The following DENND4A variants were observed in gnomAD, a reference collection of about 807,000 sequenced individuals.
DENND4A encodes C-myc promoter-binding protein.
DENND4A carries 70 observed loss-of-function variants against 199.3 expected under a neutral mutation model. The ratio of observed to expected loss-of-function variants is 0.35; its 90% confidence interval spans 0.29 to 0.43. DENND4A has a LOEUF of 0.43. DENND4A is among the 20% of genes least tolerant of loss of function. The pLI is 1.00. For synonymous variants in DENND4A, 686 were observed against 766.9 expected (o/e 0.89, Z 1.74); for missense variants, 1,723 against 2,255.8 (o/e 0.76, Z 4.78).
At chr15:65,678,032 A>C (rs1397210091) in intron 23 of DENND4A, among the ~76,000 whole-genome samples, 3 of 145,096 alleles carry the variant, frequency 2.1e-5, no homozygotes, top group African/African-American at 7.8e-5. Flanking sequence ...GGTTCAAGTG[A>C]TTCTCATGCC....
chr15:65,746,109 C>T (rs183683655), intron 4 of DENND4A, among the ~76,000 whole-genome samples: 89 of 151,328 alleles, frequency 5.9e-4, no homozygotes, highest in Non-Finnish European at 1.0e-3. Flanking sequence ...CCATCGCACT[C>T]CAGCCTGGGC....
Position 65,691,323 on chromosome 15 carries a change from T to A in DENND4A, c.3271A>T (p.Ile1091Phe). The change falls in exon 23 of 33, where the codon ATT (isoleucine) becomes TTT (phenylalanine). Residue 1091 changes from isoleucine to phenylalanine, a missense_variant. Around this residue, in one of 6 missense-constraint regions of DENND4A, gnomAD observed 650 missense variants for 738.1 expected, o/e 0.88. Coordinates refer to ENST00000443035, the MANE Select transcript of DENND4A (RefSeq NM_001320835.1). ...TCTCCAGGGGTTGCTTCCTGGTTAA[T>A]TCTATTGAGCATAAATCCCATCAGT... ...GVLMGFMLNRINQEATPGDIV... is the reference protein window; with the variant it reads ...GVLMGFMLNRFNQEATPGDIV... The A allele has an allele frequency of 3.7e-6, 6 of 1,613,574 alleles. No homozygotes were observed. The highest frequency in any genetic ancestry group is 4.2e-6 in the Non-Finnish European group (5 of 1,179,750).
At chr15:65,781,956 T>C (rs1194543952) in intron 1 of DENND4A, among the ~76,000 whole-genome samples, 1 of 152,208 alleles carries the variant, frequency 6.6e-6, no homozygotes, top group African/African-American at 2.4e-5. Context: ...TTATTGTCAC[T>C]GGTTACTTTA....
chr15:65,773,823 T>C (rs996600665), intron 1 of DENND4A, among the ~76,000 whole-genome samples: 2 of 152,230 alleles, frequency 1.3e-5, no homozygotes, highest in African/African-American at 4.8e-5. Flanking sequence ...TCTCAGTCAC[T>C]TCACAGAACA....
In DENND4A at chr15:65,756,462, G is replaced by C. The variant is rs1012828605; in HGVS notation, c.-12C>G. The C allele has an allele frequency of 1.7e-5, 27 of 1,589,450 alleles. No homozygotes were observed. The highest frequency in any genetic ancestry group is 1.7e-4 in the Middle Eastern group (1 of 5,728). On this transcript the variant is annotated 5_prime_UTR_variant, in exon 3 of 33. Coordinates refer to ENST00000443035, the MANE Select transcript of DENND4A (RefSeq NM_001320835.1). The stretch of plus-strand genomic sequence containing the variant: ...TTGTCTTCAATCATCTTCCATTACA[G>C]AAGGTTACATCTAAAAGGAAAGTAA...
Position 65,701,840 on chromosome 15 carries a change from C to T in DENND4A, c.2481G>A (p.Val827=), listed in dbSNP as rs1471575190. 1.2e-6 allele frequency: 2 copies of T among 1,613,880 alleles called. No homozygotes were observed. The highest frequency in any genetic ancestry group is 2.2e-5 in the East Asian group (1 of 44,872). ...MQLCGQYDQP[V]LAVRVLFEMQ... ...TTTCAAAAAGCACTCGAACTGCAAGCACTGGCTGATCATATTGTCCACAGA... is the reference window on the plus strand; with the variant it reads ...TTTCAAAAAGCACTCGAACTGCAAGTACTGGCTGATCATATTGTCCACAGA... The change falls in exon 18 of 33, where the codon GTG becomes GTA. Residue 827 remains valine (V), a synonymous_variant. Coordinates refer to ENST00000443035, the MANE Select transcript of DENND4A (RefSeq NM_001320835.1).
intron 8 of DENND4A, among the ~76,000 whole-genome samples, chr15:65,732,532 ACTT>A (rs1421577871): frequency 6.6e-6 from 1 of 152,076 alleles, no homozygotes; most frequent in African/African-American, 2.4e-5. Flanking sequence ...ACTTCAACCT[ACTT>A]CTTTAATTCT....
At chr15:65,664,919 G>A in intron 30 of DENND4A, 197 bp from the exon 31 acceptor site, 1 of 543,634 alleles carries the variant, frequency 1.8e-6, no homozygotes, top group Non-Finnish European at 3.2e-6. Flanking sequence ...AAAGCTTTCT[G>A]TGGTCTTAAA....
Position 65,715,560 on chromosome 15 carries a change from A to G in DENND4A, c.1871T>C (p.Met624Thr). The G allele has an allele frequency of 6.2e-7, 1 of 1,606,496 alleles. No individual in the cohort carries two copies. Among genetic ancestry groups the G allele is most frequent in the Non-Finnish European group, 8.5e-7 (1 of 1,176,884 alleles). Residue 624 changes from methionine to threonine, a missense_variant, in exon 14 of 33, where the codon ATG (methionine) becomes ACG (threonine). Transcript: ENST00000443035. ...KFYNMMTKTQ[M>T]FIRFIEECSF... ...ACATTCTTCAATGAAGCGAATAAAC[A>G]TTTGTGTTTTGGTCATCATGTTATA...
intron 23 of DENND4A, among the ~76,000 whole-genome samples, chr15:65,682,683 T>G (rs1392698514): frequency 6.6e-6 from 1 of 152,228 alleles, no homozygotes; most frequent in Non-Finnish European, 1.5e-5. Flanking sequence ...TCGGCCTTTC[T>G]TGGCTTTTGA....
At chr15:65,697,721 G>T (rs2077195707) in intron 20 of DENND4A, among the ~76,000 whole-genome samples, 1 of 152,150 alleles carries the variant, frequency 6.6e-6, no homozygotes, top group East Asian at 1.9e-4. Context: ...CTTTCTAGTT[G>T]AAAGTTTGAG....
rs116726162 is a variant in DENND4A, at chr15:65,763,121, A to C, written c.-101-1683T>G. Among the ~76,000 whole-genome samples the C allele has an allele frequency of 7.1e-3, 1,078 of 152,316 alleles. 16 individuals are homozygous for C. The highest frequency in any genetic ancestry group is 0.025 in the African/African-American group (1,038 of 41,556). ...GAGCCAGACCAACTGTATTGTACCA[A>C]GCACTATAGGTTAGCTTTAACACTG... On this transcript the variant is annotated intron_variant, in intron 1 of 32. Coordinates refer to ENST00000443035, the MANE Select transcript of DENND4A (RefSeq NM_001320835.1).
intron 23 of DENND4A, among the ~76,000 whole-genome samples, chr15:65,679,078 C>T (rs954389771): frequency 1.3e-5 from 2 of 151,754 alleles, no homozygotes; most frequent in Admixed American, 6.6e-5. Context: ...TGCTTCCTTC[C>T]CTTGATCCTG....
intron 1 of DENND4A, among the ~76,000 whole-genome samples, chr15:65,772,780 T>C (rs1355871944): frequency 1.4e-5 from 2 of 145,570 alleles, no homozygotes; most frequent in East Asian, 2.0e-4. Context: ...AGCACACAGA[T>C]TGGTCAATTA....
chr15:65,705,959 C>G, intron 15 of DENND4A, 132 bp downstream of exon 15: 2 of 1,323,150 alleles, frequency 1.5e-6, no homozygotes, highest in Middle Eastern at 2.1e-4. Context: ...GTGGGATAAG[C>G]TTGCTTACCA....
chr15:65,790,804 G>A (rs1488947922), intron 1 of DENND4A, among the ~76,000 whole-genome samples: 1 of 152,128 alleles, frequency 6.6e-6, no homozygotes, highest in Non-Finnish European at 1.5e-5. Flanking sequence ...AACATAAACT[G>A]AATAACTTGC....
chr15:65,759,251 G>A (rs1020314100), intron 2 of DENND4A, among the ~76,000 whole-genome samples: 2 of 152,140 alleles, frequency 1.3e-5, no homozygotes, highest in Admixed American at 1.3e-4. Context: ...GGCCGAGGCG[G>A]GTGGATCACA....
At chr15:65,728,570 A>G (rs7497961) in intron 11 of DENND4A, among the ~76,000 whole-genome samples, 47,295 of 148,498 alleles carry the variant, frequency 0.32, 8,373 homozygotes, top group East Asian at 0.79. Flanking sequence ...CACAACCTCC[A>G]CCTCCCGGGT....
chr15:65,663,192 A>ATT (rs1233417060), intron 32 of DENND4A, among the ~76,000 whole-genome samples: 28 of 122,044 alleles, frequency 2.3e-4, no homozygotes, highest in African/African-American at 1.0e-3. Flanking sequence ...ATATATATAT[A>ATT]TATATATTTT....
Sources: allele counts gnomAD v4.1 joint callset (sites outside exome capture counted in the v4.1 genomes callset), GRCh38; gene constraint gnomAD v4.1.1; regional missense constraint gnomAD v4.1.1; transcripts MANE v1.5; gene names NCBI Gene and HGNC (gene_info 2026-07-23, HGNC 2026-07-21).